Variants in TMPRSS11B observed in about 807,000 individuals in gnomAD.
TMPRSS11B encodes transmembrane protease serine 11B.
Under a neutral mutation model 44.7 loss-of-function variants are expected in TMPRSS11B, and 53 were observed. That is an observed-to-expected ratio of 1.19 (90% CI 0.95 to 1.49). The LOEUF (loss-of-function observed/expected upper bound fraction) is 1.49. TMPRSS11B is among the 40% of genes most tolerant of loss of function. TMPRSS11B has a pLI of 0.00. For synonymous variants in TMPRSS11B, 140 were observed against 159.2 expected (o/e 0.88, Z 0.91); for missense variants, 526 against 494.8 (o/e 1.06, Z -0.60).
At chr4:68,245,154 TG>T (rs1459483781) in intron 1 of TMPRSS11B, among the ~76,000 whole-genome samples, 2 of 152,200 alleles carry the variant, frequency 1.3e-5, no homozygotes, top group African/African-American at 4.8e-5. Context: ...AAATATATAA[TG>T]GCATTCATAT....
chr4:68,233,313 T>C (rs1013271104), intron 5 of TMPRSS11B, among the ~76,000 whole-genome samples: 1 of 152,138 alleles, frequency 6.6e-6, no homozygotes, highest in African/African-American at 2.4e-5. Flanking sequence ...CTGGCAGATG[T>C]TGCTGGCCTT....
rs552988712 is a variant in TMPRSS11B, at chr4:68,242,158, C to T, written c.9-354G>A. Among the ~76,000 whole-genome samples, 4 of 126,706 alleles carry T rather than the reference C, an allele frequency of 3.2e-5. No homozygotes were observed. The South Asian group carries it at 7.0e-4, about 22-fold the overall frequency. The allele number at this position is 126,706 out of a possible 152,430, so 83.1% of individuals were successfully genotyped here. ...TTGTAAACTATAGCCATATCATGCACAGGGACATATAAAGACTTATAGACA... is the reference window on the plus strand; with the variant it reads ...TTGTAAACTATAGCCATATCATGCATAGGGACATATAAAGACTTATAGACA... On this transcript the variant is annotated intron_variant, in intron 1 of 9. Transcript: ENST00000332644.
rs764718377 is a variant in TMPRSS11B, at chr4:68,229,453, T to C, written c.750A>G (p.Thr250=). The C allele has an allele frequency of 6.2e-7, 1 of 1,613,750 alleles. No individual in the cohort carries two copies. Among genetic ancestry groups the C allele is most frequent in the South Asian group, 1.1e-5 (1 of 91,064 alleles). The change falls in exon 8 of 10, where the codon ACA becomes ACG. Residue 250 remains threonine (T), a synonymous_variant. Coordinates refer to ENST00000332644, the MANE Select transcript of TMPRSS11B (RefSeq NM_182502.3). ...GAAAAATAATGTTTTGGACTTTCCG[T>C]GTCATATATGGTTTATTTACTACAA... ...FGIVVNKPYM[T]RKVQNIIFHE...
At chr4:68,242,361 AT>A (rs1719881248) in intron 1 of TMPRSS11B, among the ~76,000 whole-genome samples, 8 of 41,112 alleles carry the variant, frequency 1.9e-4, no homozygotes, top group African/African-American at 5.5e-4. Context: ...ATAATATTAT[AT>A]TATATATAAT....
chr4:68,231,092 G>T (rs10024748), intron 7 of TMPRSS11B, 111 bp downstream of exon 7: 702,070 of 911,506 alleles, frequency 0.77, 274,204 homozygotes, highest in East Asian at 1. Flanking sequence ...CTATGTGATT[G>T]TAAATTTCAT....
chr4:68,234,745 C>CAT, intron 4 of TMPRSS11B, 122 bp from the exon 5 acceptor site: 1 of 966,120 alleles, frequency 1.0e-6, no homozygotes, highest in Non-Finnish European at 1.5e-6. Context: ...GAAAAATATA[C>CAT]ATATACTATC....
Position 68,231,233 on chromosome 4 carries a change from C to T in TMPRSS11B, c.656G>A (p.Trp219Ter). 1.2e-6 allele frequency: 2 copies of T among 1,611,906 alleles called. No individual in the cohort carries two copies. Among genetic ancestry groups the T allele is most frequent in the Non-Finnish European group, 1.7e-6 (2 of 1,179,360 alleles). ...YCGASLISSR[W>*]LLSAAHCFAK... Reference sequence around the variant, plus strand: ...AAAGCAGTGAGCTGCAGATAATAGCCACCTGCTGCTGATCAGAGAGGCTCC... The same window carrying T: ...AAAGCAGTGAGCTGCAGATAATAGCTACCTGCTGCTGATCAGAGAGGCTCC... The change falls in exon 7 of 10, where the codon TGG becomes TAG. Residue 219 changes from tryptophan (W) to a stop codon, truncating the protein, a stop_gained. Transcript: ENST00000332644. LOFTEE classifies it high-confidence loss of function.
intron 5 of TMPRSS11B, 80 bp downstream of exon 5, chr4:68,234,383 A>G: frequency 6.9e-7 from 1 of 1,454,634 alleles, no homozygotes; most frequent in Non-Finnish European, 9.3e-7. Flanking sequence ...TAAAACTCTT[A>G]GTTCACTTTT....
rs374892586 is a variant in TMPRSS11B, at chr4:68,234,544, T to C, written c.388A>G (p.Lys130Glu). 23 of 1,613,902 alleles carry C rather than the reference T, an allele frequency of 1.4e-5. No homozygotes were observed. The highest frequency in any genetic ancestry group is 1.9e-5 in the Non-Finnish European group (23 of 1,179,972). ...PPAEGVSMRT[K>E]IKAKLHQMLK... ...ATCTGATGTAATTTAGCCTTGATTT[T>C]AGTCCTCATGCTAACTCCTTCTGCT... Residue 130 changes from lysine to glutamate, a missense_variant, in exon 5 of 10, where the codon AAA (lysine) becomes GAA (glutamate). Lys to Glu is a moderately conservative substitution (Grantham distance 56). Coordinates refer to ENST00000332644, the MANE Select transcript of TMPRSS11B (RefSeq NM_182502.3).
intron 5 of TMPRSS11B, among the ~76,000 whole-genome samples, chr4:68,233,072 A>T (rs951903320): frequency 7.2e-5 from 11 of 152,054 alleles, no homozygotes; most frequent in Admixed American, 5.9e-4. Flanking sequence ...TCTTTTTCCT[A>T]TTGGTAAAAG....
chr4:68,241,835 A>G (rs762841907), intron 1 of TMPRSS11B, 31 bp from the exon 2 acceptor site: 9 of 1,316,720 alleles, frequency 6.8e-6, no homozygotes, highest in Admixed American at 3.4e-5. Flanking sequence ...GGTTCAAATC[A>G]GATAATAACA....
In TMPRSS11B at chr4:68,228,156, G is replaced by C. The variant is rs1719409279; in HGVS notation, c.1090-84C>G. ...TCCTGTGGAGTTATCTGTACCTCCT[G>C]GGCACTGAAACCAATTCACTCTCTT... On this transcript the variant is annotated intron_variant, in intron 9 of 9. Coordinates refer to ENST00000332644, the MANE Select transcript of TMPRSS11B (RefSeq NM_182502.3). The C allele has an allele frequency of 3.9e-6, 5 of 1,266,284 alleles. No homozygotes were observed. The South Asian group carries it at 4.9e-5, about 13-fold the overall frequency. The allele number at this position is 1,266,284 out of a possible 1,614,324, so 78.4% of individuals were successfully genotyped here. A position where few individuals can be genotyped will look rare whatever the true frequency, so the allele number is the denominator to read the frequency against.
chr4:68,236,278 A>G lies in TMPRSS11B; in HGVS notation c.125-12T>C. The G allele has an allele frequency of 6.6e-7, 1 of 1,522,030 alleles. No homozygotes were observed. The highest frequency in any genetic ancestry group is 9.0e-7 in the Non-Finnish European group (1 of 1,115,934). The allele number at this position is 1,522,030 out of a possible 1,614,324, so 94.3% of individuals were successfully genotyped here. On this transcript the variant is annotated splice_polypyrimidine_tract_variant and intron_variant, in intron 2 of 9. Coordinates refer to ENST00000332644, the MANE Select transcript of TMPRSS11B (RefSeq NM_182502.3). ...ATAGTAAGTCTTCTCTGCAAAATTA[A>G]GAAAAAAAAACCTCAAAGAATTTTA...
In TMPRSS11B at chr4:68,227,826, A is replaced by G; in HGVS notation, c.*85T>C. On this transcript the variant is annotated 3_prime_UTR_variant, in exon 10 of 10. Transcript: ENST00000332644. Reference sequence around the variant, plus strand: ...TATATAATAAAATGATTAGTTTACCAACAATCAAAATAAAAAGATCCCAAA... The same window carrying G: ...TATATAATAAAATGATTAGTTTACCGACAATCAAAATAAAAAGATCCCAAA... The G allele has an allele frequency of 9.8e-7, 1 of 1,018,332 alleles. No homozygotes were observed. Among genetic ancestry groups the G allele is most frequent in the Non-Finnish European group, 1.3e-6 (1 of 758,428 alleles). 63.1% of individuals were successfully genotyped at this position (1,018,332 alleles called of 1,614,324 possible). A position where few individuals can be genotyped will look rare whatever the true frequency, so the allele number is the denominator to read the frequency against.
chr4:68,229,660 A>G, intron 7 of TMPRSS11B, 144 bp from the exon 8 acceptor site: 1 of 692,480 alleles, frequency 1.4e-6, no homozygotes, highest in Non-Finnish European at 2.3e-6. Context: ...ACTATCTTTG[A>G]CATGGAGCTG....
In TMPRSS11B at chr4:68,229,371, C is replaced by T; in HGVS notation, c.832G>A (p.Glu278Lys). ...ATGTACTCTGTAAAAGAAACTTCTT[C>T]AGCAAGCTGCACAAGGGCAATATCA... ...HDDIALVQLA[E>K]EVSFTEYIRK... Residue 278 changes from glutamate (E) to lysine (K), a missense_variant, in exon 8 of 10, where the codon GAA (glutamate) becomes AAA (lysine). By Grantham distance (56) the Glu-to-Lys change is moderately conservative. Transcript: ENST00000332644. The T allele has an allele frequency of 1.2e-6, 2 of 1,614,068 alleles. No individual in the cohort carries two copies. The highest frequency in any genetic ancestry group is 1.7e-6 in the Non-Finnish European group (2 of 1,179,982).
intron 8 of TMPRSS11B, 64 bp from the exon 9 acceptor site, chr4:68,228,948 C>T (rs776059083): frequency 7.2e-6 from 11 of 1,535,528 alleles, no homozygotes; most frequent in African/African-American, 2.7e-5. Flanking sequence ...AGAATATCTA[C>T]CTATAGCATA....
chr4:68,241,792 A>G lies in TMPRSS11B; in HGVS notation c.21T>C (p.Ser7=). Residue 7 remains serine, a synonymous_variant, in exon 2 of 10, where the codon TCT becomes TCC. Transcript: ENST00000332644. The part of the protein sequence containing the change: MYRHGI[S]SQRSWPLWTT... ...TCCATAGTGGCCAAGATCTTTGGGAAGATATGCCGTGCCTATGAAAGAGGA... is the reference window on the plus strand; with the variant it reads ...TCCATAGTGGCCAAGATCTTTGGGAGGATATGCCGTGCCTATGAAAGAGGA... The G allele has an allele frequency of 3.1e-6, 5 of 1,612,638 alleles. No homozygotes were observed. Among genetic ancestry groups the G allele is most frequent in the Non-Finnish European group, 4.2e-6 (5 of 1,178,934 alleles).
intron 4 of TMPRSS11B, among the ~76,000 whole-genome samples, chr4:68,235,449 C>T (rs1339706279): frequency 6.6e-6 from 1 of 152,098 alleles, no homozygotes; most frequent in Admixed American, 6.6e-5. Context: ...CCTCATTACT[C>T]TTCCCCCATA....
Sources: gnomAD v4.1 joint callset for allele counts (sites outside exome capture counted in the v4.1 genomes callset) on GRCh38, gnomAD v4.1.1 for gene constraint, MANE v1.5 for transcripts, NCBI Gene and HGNC (gene_info 2026-07-23, HGNC 2026-07-21) for gene names.